Variants in MRPL37 observed in about 807,000 individuals in gnomAD.
MRPL37 encodes the protein mitochondrial ribosomal protein L37.
In MRPL37, 34 loss-of-function variants were observed where a neutral mutation model predicts 44.1. That is an observed-to-expected ratio of 0.77 (90% CI 0.59 to 1.03). MRPL37 has a LOEUF of 1.03. Ranked by LOEUF, MRPL37 falls within the 50% of genes least tolerant of loss-of-function variation. MRPL37 has a pLI of 0.00. For missense variants in MRPL37, 532 were observed against 543.7 expected, an observed-to-expected ratio of 0.98 and a Z score of 0.21; for synonymous variants, 212 against 219.5, an observed-to-expected ratio of 0.97 and a Z score of 0.30.
At position 54,212,724 on chromosome 1, in the gene MRPL37, G is replaced by C. The variant is rs796260436; in HGVS notation, c.990+66G>C. The C allele has an allele frequency of 4.4e-6, 7 of 1,592,688 alleles. No individual in the cohort carries two copies. In the African/African-American group the frequency reaches 9.4e-5, roughly 21 times the overall value. On this transcript the variant is annotated intron_variant, in intron 5 of 6. Coordinates refer to ENST00000360840, the MANE Select transcript of MRPL37 (RefSeq NM_016491.4). ...GTTGGTCTCCTCCCTTAAGGTTACT[G>C]CTCAGAGGAAGAAAAGGGATATAGG... is the stretch of plus-strand genomic sequence containing the variant.
At chr1:54,221,938 G>A (rs1198801817), downstream of MRPL37, among the ~76,000 whole-genome samples, 1 of 152,170 alleles carries the variant, frequency 6.6e-6, no homozygotes, top group East Asian at 1.9e-4. Flanking sequence ...TGGGGTACTG[G>A]GTGGACACGG....
chr1:54,216,240 C>G lies in MRPL37; in HGVS notation c.1090C>G (p.Leu364Val), dbSNP rs1440958398. 1 of 1,614,200 alleles carries G rather than the reference C, an allele frequency of 6.2e-7. No homozygotes were observed. ...AGTGTTTCAACTGAATACCACAGAC[C>G]TGGACTGTAACGAGGGTGTCAAGAA... ...FLVFQLNTTD[L>V]DCNEGVKNLA... Residue 364 changes from leucine (L) to valine (V), a missense_variant, in exon 6 of 7, where the codon CTG (leucine) becomes GTG (valine). Leu to Val is a conservative substitution (Grantham distance 32). Transcript: ENST00000360840.
chr1:54,206,772 T>C (rs1011067807), intron 3 of MRPL37, among the ~76,000 whole-genome samples: 1 of 151,514 alleles, frequency 6.6e-6, no homozygotes, highest in African/African-American at 2.4e-5. Context: ...GGAGTTTTGC[T>C]CTTGTTGCCT....
chr1:54,215,367 T>C (rs1385503894), intron 5 of MRPL37, among the ~76,000 whole-genome samples: 1 of 152,190 alleles, frequency 6.6e-6, no homozygotes, highest in Non-Finnish European at 1.5e-5. Context: ...GATGTAAAAC[T>C]GGCAAGATGC....
downstream of MRPL37, chr1:54,225,334 T>C (rs1644269984): frequency 3.2e-6 from 4 of 1,234,172 alleles, no homozygotes; most frequent in Non-Finnish European, 3.0e-6. Flanking sequence ...CATCTTGTTA[T>C]GCACCAGGAA....
At chr1:54,212,826 G>T (rs1644174378) in intron 5 of MRPL37, among the ~76,000 whole-genome samples, 168 bp downstream of exon 5, 1 of 152,218 alleles carries the variant, frequency 6.6e-6, no homozygotes, top group South Asian at 2.1e-4. Flanking sequence ...AACATCACTA[G>T]GGGGTGACTG....
intron 5 of MRPL37, among the ~76,000 whole-genome samples, chr1:54,214,806 A>T (rs1384649002): frequency 1.3e-5 from 2 of 152,244 alleles, no homozygotes; most frequent in African/African-American, 4.8e-5. Context: ...TGAGAAATTT[A>T]TGTACTACCT....
chr1:54,220,292 G>A (rs1471076462), downstream of MRPL37, among the ~76,000 whole-genome samples: 1 of 152,186 alleles, frequency 6.6e-6, no homozygotes, highest in Non-Finnish European at 1.5e-5. Flanking sequence ...CGGACCATCA[G>A]CAGATGACCT....
Position 54,216,187 on chromosome 1 carries a change from G to T in MRPL37, c.1037G>T (p.Gly346Val). Residue 346 changes from glycine to valine, a missense_variant, in exon 6 of 7, where the codon GGC becomes GTC. Physicochemically the swap from Gly to Val is moderately radical, Grantham distance 109 (BLOSUM62 -3). Transcript: ENST00000360840. ...CAGCCCGTGGTGGTGCAGAGCGTGG[G>T]CACGGATGGACGTGTCTTCCATTTC... Reference protein sequence around the residue: ...LEQPVVVQSVGTDGRVFHFLV... With the variant: ...LEQPVVVQSVVTDGRVFHFLV... 1 of 1,614,218 alleles carries T rather than the reference G, an allele frequency of 6.2e-7. No homozygotes were observed. The highest frequency in any genetic ancestry group is 8.5e-7 in the Non-Finnish European group (1 of 1,180,044).
At chr1:54,202,218 T>G (rs1570136545) in intron 1 of MRPL37, among the ~76,000 whole-genome samples, 2 of 152,210 alleles carry the variant, frequency 1.3e-5, no homozygotes, top group African/African-American at 4.8e-5. Flanking sequence ...CGCAGGCTGG[T>G]CTCAAAATCT....
rs187859451 is a variant in MRPL37 at position 54,200,690 on chromosome 1, T to C, written c.346+101T>C. On this transcript the variant is annotated intron_variant, in intron 1 of 6. Transcript: ENST00000360840. ...CAAGACATTGAAACTCTGTGGGTCT[T>C]GGTTTCTTCGTCTGCGAAATGGGGC... 210 of 1,328,578 alleles carry C rather than the reference T, an allele frequency of 1.6e-4. 1 individual carries two copies. The East Asian group carries it at 2.9e-3, about 18-fold the overall frequency. 82.3% of individuals were successfully genotyped at this position (1,328,578 alleles called of 1,614,324 possible). A position where few individuals can be genotyped will look rare whatever the true frequency, so the allele number is the denominator to read the frequency against.
At chr1:54,211,168 A>C (rs1232666061) in intron 4 of MRPL37, among the ~76,000 whole-genome samples, 2 of 152,072 alleles carry the variant, frequency 1.3e-5, no homozygotes, top group African/African-American at 4.8e-5. Context: ...ACTTTCTCTC[A>C]GAAATGCTTT....
chr1:54,204,703 C>A (rs147377855), intron 1 of MRPL37, among the ~76,000 whole-genome samples: 1 of 152,190 alleles, frequency 6.6e-6, no homozygotes, highest in Non-Finnish European at 1.5e-5. Context: ...TAGGGTCTAT[C>A]CCCTGCTTGC....
chr1:54,204,814 G>A (rs994075616), intron 1 of MRPL37, among the ~76,000 whole-genome samples: 6 of 152,172 alleles, frequency 3.9e-5, no homozygotes, highest in African/African-American at 1.4e-4. Flanking sequence ...CCTGAAGTAG[G>A]TGGTCATTCC....
Position 54,212,595 on chromosome 1 carries a change from G to A in MRPL37, c.927G>A (p.Leu309=), listed in dbSNP as rs750828227. The part of the protein sequence containing the change: ...LRPHRLQPDQ[L]RAKMILFAFG... ...CACACCGCCTTCAACCAGATCAGCT[G>A]CGGGCCAAGATGATCCTGTTTGCTT... Residue 309 remains leucine, a synonymous_variant, in exon 5 of 7, where the codon CTG becomes CTA. Transcript: ENST00000360840. 3 of 1,614,226 alleles carry A rather than the reference G, an allele frequency of 1.9e-6. No individual in the cohort carries two copies. Among genetic ancestry groups the A allele is most frequent in the Non-Finnish European group, 1.7e-6 (2 of 1,180,050 alleles).
At chr1:54,201,628 CAGGGCTAGAGAA>C (rs1644084211) in intron 1 of MRPL37, among the ~76,000 whole-genome samples, 1 of 152,172 alleles carries the variant, frequency 6.6e-6, no homozygotes, top group Non-Finnish European at 1.5e-5. Context: ...CTGCAGGATA[CAGGGCTAGAGAA>C]GCCATTTGGG....
intron 6 of MRPL37, among the ~76,000 whole-genome samples, chr1:54,216,672 T>G (rs1025928124): frequency 6.6e-6 from 1 of 152,168 alleles, no homozygotes; most frequent in Non-Finnish European, 1.5e-5. Flanking sequence ...CCCCTCCCCA[T>G]TACTGTTTGT....
rs35846943 is a variant in MRPL37 at position 54,209,334 on chromosome 1, C to T, written c.647-612C>T. ...CCCCTCTTAGGGATCCCAGGATTAA[C>T]ATCCTAACTCAAAGTTTTGTGTTCT... On this transcript the variant is annotated intron_variant, in intron 3 of 6. Coordinates refer to ENST00000360840, the MANE Select transcript of MRPL37 (RefSeq NM_016491.4). 2.1e-3 allele frequency among the ~76,000 whole-genome samples: 326 copies of T among 152,254 alleles called. 1 individual carries two copies. The highest frequency in any genetic ancestry group is 7.7e-3 in the African/African-American group (318 of 41,554).
downstream of MRPL37, among the ~76,000 whole-genome samples, chr1:54,218,617 A>C (rs1644213793): frequency 1.4e-5 from 2 of 147,772 alleles, no homozygotes; most frequent in South Asian, 4.2e-4. Context: ...CATGGCAGAT[A>C]CGCTGATGGT....
Sources: allele counts gnomAD v4.1 joint callset (sites outside exome capture counted in the v4.1 genomes callset), GRCh38; gene constraint gnomAD v4.1.1; transcripts MANE v1.5; gene names NCBI Gene and HGNC (gene_info 2026-07-23, HGNC 2026-07-21).